Variants in FSD2 observed in about 807,000 individuals in gnomAD.
FSD2 encodes the protein fibronectin type III and SPRY domain containing 2, also known as fibronectin type III and SPRY domain-containing protein 2.
A neutral mutation model predicts 80.4 loss-of-function variants in FSD2; 71 were observed. The ratio of observed to expected loss-of-function variants is 0.88; its 90% CI spans 0.73 to 1.08. FSD2 has a LOEUF of 1.08. FSD2 is among the 50% of genes least tolerant of loss of function. FSD2 has a pLI of 0.00. For synonymous variants in FSD2, 361 were observed against 329.5 expected, an observed-to-expected ratio of 1.10 and a Z score of -1.03; for missense variants, 923 against 913.8, an observed-to-expected ratio of 1.01 and a Z score of -0.13.
chr15:82,798,312 T>G (rs2050327292), intron 1 of FSD2, among the ~76,000 whole-genome samples: 2 of 152,046 alleles, frequency 1.3e-5, no homozygotes, highest in Admixed American at 1.3e-4. Flanking sequence ...GCCACTGCAC[T>G]CCAGCCTGGG....
intron 1 of FSD2, among the ~76,000 whole-genome samples, chr15:82,802,105 G>T (rs2050427269): frequency 6.6e-6 from 1 of 152,132 alleles, no homozygotes; most frequent in Admixed American, 6.5e-5. Context: ...CTCTGGCTGG[G>T]GCAGTCCTGG....
At chr15:82,780,190 T>C in intron 5 of FSD2, 55 bp downstream of exon 5, 1 of 1,265,572 alleles carries the variant, frequency 7.9e-7, no homozygotes, top group South Asian at 1.4e-5. Flanking sequence ...TCTATTTGGA[T>C]AACTAAAGTT....
chr15:82,787,014 G>A lies in FSD2; in HGVS notation c.377C>T (p.Ala126Val). 3 of 1,613,954 alleles carry A rather than the reference G, an allele frequency of 1.9e-6. No homozygotes were observed. The highest frequency in any genetic ancestry group is 2.2e-5 in the South Asian group (2 of 91,082). Residue 126 changes from alanine (A) to valine (V), a missense_variant, in exon 2 of 13, where the codon GCA becomes GTA. Transcript: ENST00000334574. ...EQRDWRLSGE[A>V]AEAEDLGFGG... The stretch of plus-strand genomic sequence containing the variant: ...GAAGCCCAGGTCCTCGGCCTCCGCT[G>A]CCTCTCCACTAAGTCTCCAGTCTCT...
At chr15:82,785,716 C>T (rs977234414) in intron 3 of FSD2, among the ~76,000 whole-genome samples, 1 of 151,810 alleles carries the variant, frequency 6.6e-6, no homozygotes, top group Non-Finnish European at 1.5e-5. Flanking sequence ...CCTCTTAGAA[C>T]AACAAAAAAG....
In FSD2 at chr15:82,783,044, C is replaced by G. The variant is rs2049908433; in HGVS notation, c.736-19G>C. 1.9e-6 allele frequency: 3 copies of G among 1,548,970 alleles called. No individual in the cohort carries two copies. Among genetic ancestry groups the G allele is most frequent in the African/African-American group, 2.7e-5 (2 of 73,148 alleles). ...AATTCTCCTGCAAGACAGTTGATCT[C>G]AGTCATCATTTCAGCGCATGTAGTG... On this transcript the variant is annotated intron_variant, in intron 3 of 12. Coordinates refer to ENST00000334574, the MANE Select transcript of FSD2 (RefSeq NM_001007122.4).
At chr15:82,799,041 CTAATTTTTG>C (rs955865934) in intron 1 of FSD2, among the ~76,000 whole-genome samples, 7 of 151,946 alleles carry the variant, frequency 4.6e-5, no homozygotes, top group Non-Finnish European at 1.0e-4. Flanking sequence ...CCACGCCTGG[CTAATTTTTG>C]TAATTTTTGT....
intron 1 of FSD2, among the ~76,000 whole-genome samples, chr15:82,794,950 T>A (rs1419978861): frequency 6.6e-6 from 1 of 152,186 alleles, no homozygotes; most frequent in Non-Finnish European, 1.5e-5. Context: ...GGTCTCGATC[T>A]CCTGACCTCG....
At chr15:82,786,697 A>G (rs759754948) in intron 2 of FSD2, 55 bp downstream of exon 2, 150 of 1,607,154 alleles carry the variant, frequency 9.3e-5, no homozygotes, top group Non-Finnish European at 1.2e-4. Flanking sequence ...CTGCGTATGT[A>G]CTTGAGATAC....
At chr15:82,790,412 A>C (rs969558092) in intron 1 of FSD2, among the ~76,000 whole-genome samples, 1 of 152,104 alleles carries the variant, frequency 6.6e-6, no homozygotes, top group South Asian at 2.1e-4. Flanking sequence ...CTGCCTCCCC[A>C]TTTTATTGCT....
intron 6 of FSD2, among the ~76,000 whole-genome samples, chr15:82,776,894 A>G (rs993556488): frequency 5.3e-5 from 8 of 152,234 alleles, no homozygotes; most frequent in Non-Finnish European, 1.2e-4. Flanking sequence ...ACATAGACCA[A>G]TGAAACAGAA....
At chr15:82,795,192 G>T (rs376223491) in intron 1 of FSD2, among the ~76,000 whole-genome samples, 2 of 151,950 alleles carry the variant, frequency 1.3e-5, no homozygotes, top group East Asian at 3.9e-4. Flanking sequence ...TTGTATTTTT[G>T]AATCTAACGT....
chr15:82,790,649 C>T (rs974420685), intron 1 of FSD2, among the ~76,000 whole-genome samples: 5 of 151,806 alleles, frequency 3.3e-5, no homozygotes, highest in Admixed American at 6.6e-5. Context: ...GATCTCGGCT[C>T]ACTGCAACCT....
intron 1 of FSD2, among the ~76,000 whole-genome samples, chr15:82,789,636 C>A (rs563876335): frequency 1.3e-5 from 2 of 152,262 alleles, no homozygotes; most frequent in Admixed American, 6.5e-5. Context: ...TCACAGATAT[C>A]CAACTACAGG....
chr15:82,771,727 C>G (rs1035360016), intron 7 of FSD2, among the ~76,000 whole-genome samples: 3 of 152,222 alleles, frequency 2.0e-5, no homozygotes, highest in African/African-American at 7.2e-5. Context: ...CCCTCAGATG[C>G]CAGGACAAGC....
chr15:82,791,068 A>C (rs957977795), intron 1 of FSD2, among the ~76,000 whole-genome samples: 1 of 140,784 alleles, frequency 7.1e-6, no homozygotes, highest in African/African-American at 2.6e-5. Flanking sequence ...GCGCGATCTT[A>C]GCTCACTGCA....
intron 6 of FSD2, among the ~76,000 whole-genome samples, chr15:82,774,698 A>G (rs2049669508): frequency 6.6e-6 from 1 of 152,152 alleles, no homozygotes; most frequent in Non-Finnish European, 1.5e-5. Context: ...TTAGAGGGAA[A>G]AAAATACTTG....
intron 6 of FSD2, among the ~76,000 whole-genome samples, chr15:82,774,156 C>A (rs1015321299): frequency 6.6e-6 from 1 of 152,184 alleles, no homozygotes; most frequent in Non-Finnish European, 1.5e-5. Flanking sequence ...CTCACTGCAG[C>A]CTTACTCTTG....
chr15:82,790,572 G>GTGTGTGTGTT (rs1491403290), intron 1 of FSD2, among the ~76,000 whole-genome samples: 5 of 126,926 alleles, frequency 3.9e-5, no homozygotes, highest in South Asian at 2.3e-4. Flanking sequence ...GTGTGTTCGT[G>GTGTGTGTGTT]CGTGTGTGTG....
At chr15:82,792,589 T>C (rs1183963688) in intron 1 of FSD2, among the ~76,000 whole-genome samples, 1 of 152,244 alleles carries the variant, frequency 6.6e-6, no homozygotes, top group Non-Finnish European at 1.5e-5. Context: ...TTCTTGATGA[T>C]GTCCCCTGAA....
Sources: gnomAD v4.1 joint callset for allele counts (sites outside exome capture counted in the v4.1 genomes callset) on GRCh38, gnomAD v4.1.1 for gene constraint, MANE v1.5 for transcripts, NCBI Gene and HGNC (gene_info 2026-07-23, HGNC 2026-07-21) for gene names.